The following QTGAL variants were observed in gnomAD, a reference collection of about 807,000 sequenced individuals.
QTGAL encodes the protein BGnT-like protein 1.
At chr17:82,974,973 A>G in the QTGAL span, among the ~76,000 whole-genome samples, 620 of 104,582 alleles carry the variant, frequency 5.9e-3, 15 homozygotes, top group African/African-American at 0.031. Context: ...GCCACTATGG[A>G]GAGTCAGGGC....
chr17:82,997,920 TAAAA>T, the QTGAL span, among the ~76,000 whole-genome samples: 28,298 of 137,512 alleles, frequency 0.21, 3,006 homozygotes, highest in East Asian at 0.31. Flanking sequence ...TTAATGGGTT[TAAAA>T]AAAAAAATAT....
the QTGAL span, among the ~76,000 whole-genome samples, chr17:82,999,514 G>A: frequency 6.6e-6 from 1 of 152,176 alleles, no homozygotes; most frequent in African/African-American, 2.4e-5. Context: ...AACCACTAAT[G>A]CCTTCCTGTT....
At chr17:83,002,264 G>T in the QTGAL span, among the ~76,000 whole-genome samples, 1 of 152,218 alleles carries the variant, frequency 6.6e-6, no homozygotes, top group African/African-American at 2.4e-5. Context: ...GGCCTCCGGG[G>T]AACCCGCTCT....
chr17:83,043,130 A>C, the QTGAL span, among the ~76,000 whole-genome samples: 1 of 147,356 alleles, frequency 6.8e-6, no homozygotes, highest in Non-Finnish European at 1.5e-5. Flanking sequence ...TCTAGAGAGA[A>C]GATAATAAAC....
At chr17:83,004,990 G>T in the QTGAL span, 1 of 694,972 alleles carries the variant, frequency 1.4e-6, no homozygotes, top group South Asian at 2.2e-5. Flanking sequence ...GCATGTGAGT[G>T]AAGGCGAGGA....
At chr17:83,035,014 A>C in the QTGAL span, 3 of 1,560,710 alleles carry the variant, frequency 1.9e-6, no homozygotes, top group Non-Finnish European at 2.6e-6. Flanking sequence ...TATACATTAT[A>C]AACAAAAGAA....
chr17:82,957,508 G>A, the QTGAL span: 1 of 1,593,478 alleles, frequency 6.3e-7, no homozygotes, highest in Non-Finnish European at 8.5e-7. Flanking sequence ...CGGTGGAGAA[G>A]AGGGTGATAG....
chr17:83,037,366 C>T, the QTGAL span, among the ~76,000 whole-genome samples: 1 of 152,348 alleles, frequency 6.6e-6, no homozygotes, highest in East Asian at 1.9e-4. The surrounding 1 kb of genome is among the most constrained non-coding windows in gnomAD (Gnocchi z 5.2). Context: ...CTGCGTTCTC[C>T]AACCCGGAGC....
chr17:82,994,095 T>G, the QTGAL span, among the ~76,000 whole-genome samples: 1 of 152,022 alleles, frequency 6.6e-6, no homozygotes. Flanking sequence ...CAATGCATCT[T>G]AAGCAACTAG....
the QTGAL span, among the ~76,000 whole-genome samples, chr17:82,970,637 T>TCTGCAC: frequency 2.8e-5 from 3 of 107,794 alleles, 1 homozygote; most frequent in Admixed American, 2.1e-4. Context: ...GGCCGCGACC[T>TCTGCAC]CCGCACCCGG....
the QTGAL span, chr17:83,006,231 C>T: frequency 4.6e-5 from 45 of 985,468 alleles, no homozygotes; most frequent in African/African-American, 5.2e-5. The surrounding 1 kb of genome is among the most constrained non-coding windows in gnomAD (Gnocchi z 5.8). Flanking sequence ...AACTCTGAAG[C>T]GATGAAGTCA....
the QTGAL span, among the ~76,000 whole-genome samples, chr17:83,026,410 G>T: frequency 2.6e-5 from 4 of 152,262 alleles, no homozygotes; most frequent in African/African-American, 9.6e-5. Flanking sequence ...GGATGTACAC[G>T]GCAGGTTTGC....
At chr17:82,948,769 T>C in the QTGAL span, 1 of 152,218 alleles carries the variant, frequency 6.6e-6, no homozygotes, top group South Asian at 2.1e-4. Context: ...GGGACAATTA[T>C]CCAAATAGAA....
At chr17:82,956,727 C>T in the QTGAL span, 91 of 1,589,974 alleles carry the variant, frequency 5.7e-5, no homozygotes, top group East Asian at 2.1e-4. The surrounding 1 kb of genome is among the most constrained non-coding windows in gnomAD (Gnocchi z 5.7). Flanking sequence ...GGTGGCCGGG[C>T]GGCTCGGAAG....
chr17:83,000,144 G>T, the QTGAL span, among the ~76,000 whole-genome samples: 2 of 152,058 alleles, frequency 1.3e-5, no homozygotes, highest in Admixed American at 6.5e-5. Flanking sequence ...TGTATTTTTA[G>T]TAGGGACGGG....
At chr17:82,960,777 G>C in the QTGAL span, among the ~76,000 whole-genome samples, 4 of 152,362 alleles carry the variant, frequency 2.6e-5, no homozygotes, top group African/African-American at 9.6e-5. Context: ...GGTTTCAGAA[G>C]GACCCGGCGC....
chr17:83,046,071 G>A, the QTGAL span, among the ~76,000 whole-genome samples: 4 of 152,054 alleles, frequency 2.6e-5, no homozygotes, highest in African/African-American at 4.8e-5. Flanking sequence ...TGATCCACCC[G>A]CCTTGGCCTC....
the QTGAL span, among the ~76,000 whole-genome samples, chr17:83,010,105 G>T: frequency 7.2e-6 from 1 of 139,242 alleles, no homozygotes; most frequent in African/African-American, 2.6e-5. Flanking sequence ...CCTGGTGTGG[G>T]GGGGGCTGCG....
At chr17:83,014,310 C>T in the QTGAL span, 5 of 871,314 alleles carry the variant, frequency 5.7e-6, 1 homozygote, top group Admixed American at 1.1e-4. Flanking sequence ...GGCTCAGAGA[C>T]ATGCCAGCCA....
Sources: allele counts gnomAD v4.1 joint callset (sites outside exome capture counted in the v4.1 genomes callset), GRCh38; gene constraint gnomAD v4.1.1; non-coding constraint Gnocchi (gnomAD v3.1); transcripts MANE v1.5; gene names NCBI Gene and HGNC (gene_info 2026-07-23, HGNC 2026-07-21).